Variants in STXBP5L observed in about 807,000 individuals in gnomAD.
STXBP5L encodes syntaxin binding protein 5L, also known as syntaxin-binding protein 5-like.
A neutral mutation model predicts 144.5 loss-of-function variants in STXBP5L; 65 were observed. The ratio of observed to expected loss-of-function variants is 0.45; its 90% CI spans 0.37 to 0.55. The LOEUF (loss-of-function observed/expected upper bound fraction) is 0.55, where lower values mean the gene tolerates loss of function less well. STXBP5L is among the 20% of genes least tolerant of loss of function. The pLI, the probability that STXBP5L is intolerant of heterozygous loss-of-function variation, is 0.00. For missense variants in STXBP5L, 1,298 were observed against 1,405.5 expected (o/e 0.92, Z 1.22); for synonymous variants, 505 against 469.6 (o/e 1.08, Z -0.97).
chr3:121,188,726 G>A (rs1392214740), intron 9 of STXBP5L, among the ~76,000 whole-genome samples: 1 of 152,152 alleles, frequency 6.6e-6, no homozygotes, highest in Non-Finnish European at 1.5e-5. Context: ...TATCTCAATA[G>A]ATGAAGAAAA....
chr3:121,339,614 A>G (rs531222175), intron 20 of STXBP5L, among the ~76,000 whole-genome samples: 1 of 152,204 alleles, frequency 6.6e-6, no homozygotes, highest in East Asian at 1.9e-4. Flanking sequence ...AGAGGAAGTC[A>G]AACTATTTAT....
intron 22 of STXBP5L, among the ~76,000 whole-genome samples, chr3:121,401,192 TAAC>T (rs1182774177): frequency 2.0e-5 from 3 of 152,184 alleles, no homozygotes; most frequent in African/African-American, 7.2e-5. Context: ...ATTTTTCAAA[TAAC>T]AAATCAGTTT....
At chr3:121,068,225 G>A (rs561229371) in intron 5 of STXBP5L, among the ~76,000 whole-genome samples, 28 of 152,188 alleles carry the variant, frequency 1.8e-4, no homozygotes, top group Admixed American at 6.5e-4. Context: ...GGCCATGATG[G>A]TCTCAATCTC....
intron 3 of STXBP5L, among the ~76,000 whole-genome samples, chr3:120,971,675 C>G (rs1940274323): frequency 6.7e-6 from 1 of 150,020 alleles, no homozygotes; most frequent in Admixed American, 6.7e-5. Context: ...ATACATTCAT[C>G]TATATACACA....
intron 5 of STXBP5L, among the ~76,000 whole-genome samples, chr3:121,070,822 A>G (rs2041777252): frequency 6.6e-6 from 1 of 152,164 alleles, no homozygotes; most frequent in South Asian, 2.1e-4. Flanking sequence ...GTACGGGAAT[A>G]CTTCTGTTTT....
chr3:121,045,284 T>C, intron 4 of STXBP5L, 151 bp from the exon 5 acceptor site: 1 of 625,518 alleles, frequency 1.6e-6, no homozygotes, highest in Non-Finnish European at 2.6e-6. Context: ...CCCTTCCTGA[T>C]TGAAGTTTAT....
intron 22 of STXBP5L, among the ~76,000 whole-genome samples, chr3:121,401,756 AGGG>A (rs370992146): frequency 1.0e-5 from 1 of 97,820 alleles, no homozygotes; most frequent in Admixed American, 1.1e-4. Context: ...GGGTCGGGGG[AGGG>A]GGGAGGGATA....
At chr3:120,919,264 G>A (rs1220244433) in intron 2 of STXBP5L, among the ~76,000 whole-genome samples, 1 of 151,974 alleles carries the variant, frequency 6.6e-6, no homozygotes, top group Non-Finnish European at 1.5e-5. Context: ...ATTTGATAAG[G>A]ATTCACTCTA....
chr3:121,357,569 A>G (rs1302974646), intron 20 of STXBP5L: 1 of 152,250 alleles, frequency 6.6e-6, no homozygotes, highest in Non-Finnish European at 1.5e-5. Context: ...CAATTTGTCT[A>G]TGGGAGCTCT....
At chr3:121,078,503 C>T (rs1417605277) in intron 5 of STXBP5L, among the ~76,000 whole-genome samples, 1 of 152,264 alleles carries the variant, frequency 6.6e-6, no homozygotes, top group Non-Finnish European at 1.5e-5. Flanking sequence ...GCAGGTGGAG[C>T]TGCCTGCCAG....
At chr3:121,266,107 A>T (rs1427872757) in intron 18 of STXBP5L, among the ~76,000 whole-genome samples, 1 of 152,180 alleles carries the variant, frequency 6.6e-6, no homozygotes, top group Non-Finnish European at 1.5e-5. Flanking sequence ...AAAAAGAGGG[A>T]TTCCTCCTTA....
intron 5 of STXBP5L, among the ~76,000 whole-genome samples, chr3:121,067,705 G>T (rs764129166): frequency 6.6e-6 from 1 of 152,076 alleles, no homozygotes; most frequent in Admixed American, 6.5e-5. Flanking sequence ...AGAGAGGACC[G>T]TTAAAAGCTC....
chr3:121,213,864 G>C (rs181689058), intron 10 of STXBP5L, among the ~76,000 whole-genome samples: 1 of 152,254 alleles, frequency 6.6e-6, no homozygotes, highest in Non-Finnish European at 1.5e-5. Flanking sequence ...GGGTTGGTAG[G>C]CTATTAATTA....
intron 5 of STXBP5L, among the ~76,000 whole-genome samples, chr3:121,051,167 A>G (rs1338662181): frequency 6.6e-6 from 1 of 152,090 alleles, no homozygotes; most frequent in Non-Finnish European, 1.5e-5. Flanking sequence ...TCAACATTAG[A>G]CAGATCAACG....
intron 3 of STXBP5L, among the ~76,000 whole-genome samples, chr3:120,974,710 A>G (rs1459428241): frequency 6.6e-6 from 1 of 152,094 alleles, no homozygotes; most frequent in South Asian, 2.1e-4. Context: ...ATCTTGAATT[A>G]ATTTTTGTAT....
chr3:121,021,742 A>G (rs1945567277), intron 3 of STXBP5L, among the ~76,000 whole-genome samples: 1 of 152,186 alleles, frequency 6.6e-6, no homozygotes, highest in South Asian at 2.1e-4. Context: ...AACCTATCAA[A>G]TCTCCTGGAA....
At chr3:121,007,254 T>G (rs184486745) in intron 3 of STXBP5L, among the ~76,000 whole-genome samples, 1 of 152,210 alleles carries the variant, frequency 6.6e-6, no homozygotes, top group Admixed American at 6.6e-5. Context: ...TTATGATACA[T>G]TATCTATCTT....
intron 2 of STXBP5L, among the ~76,000 whole-genome samples, chr3:120,948,790 T>C (rs1711015142): frequency 6.6e-6 from 1 of 152,000 alleles, no homozygotes; most frequent in Admixed American, 6.6e-5. Flanking sequence ...ACATTCTCTT[T>C]ATTCACTCAT....
At chr3:121,093,005 C>T (rs1288147121) in intron 5 of STXBP5L, among the ~76,000 whole-genome samples, 1 of 152,148 alleles carries the variant, frequency 6.6e-6, no homozygotes, top group Non-Finnish European at 1.5e-5. Flanking sequence ...TTGTCAAAGG[C>T]CTTTTCTGCA....
Sources: gnomAD v4.1 joint callset for allele counts (sites outside exome capture counted in the v4.1 genomes callset) on GRCh38, gnomAD v4.1.1 for gene constraint, MANE v1.5 for transcripts, NCBI Gene and HGNC (gene_info 2026-07-23, HGNC 2026-07-21) for gene names.